Variants in KCTD1 observed in about 807,000 individuals in gnomAD.
KCTD1 encodes the protein BTB/POZ domain-containing protein KCTD1.
A neutral mutation model predicts 66.0 loss-of-function variants in KCTD1; 24 were observed. That is an observed-to-expected ratio of 0.36 (90% CI 0.26 to 0.51). The LOEUF is 0.51. Ranked by LOEUF, KCTD1 falls within the 20% of genes least tolerant of loss-of-function variation. The pLI is 0.95. For missense variants in KCTD1, 943 were observed against 1,205.2 expected (o/e 0.78, Z 3.22); for synonymous variants, 511 against 517.2 (o/e 0.99, Z 0.16).
At chr18:26,622,808 G>A (rs1171552726) in intron 1 of KCTD1, among the ~76,000 whole-genome samples, 1 of 152,088 alleles carries the variant, frequency 6.6e-6, no homozygotes, top group Non-Finnish European at 1.5e-5. Context: ...GGGCTGCAGA[G>A]GGTGCGTCAG....
chr18:26,514,240 T>TA (rs58782397), intron 1 of KCTD1, among the ~76,000 whole-genome samples: 2 of 152,070 alleles, frequency 1.3e-5, no homozygotes, highest in African/African-American at 4.8e-5. Flanking sequence ...TATTTGGTAA[T>TA]AAAAATTTTT....
In KCTD1 at chr18:26,646,269, T is replaced by C. The variant is rs541553404; in HGVS notation, c.9+11091A>G. Among the ~76,000 whole-genome samples, 29 of 152,270 alleles carry C rather than the reference T, an allele frequency of 1.9e-4. 2 individuals are homozygous for C. The South Asian group carries it at 5.2e-3, about 27-fold the overall frequency. On this transcript the variant is annotated intron_variant, in intron 1 of 4. Coordinates refer to the KCTD1 transcript ENST00000580191. ...CTTTCCAATATACTTTGTCAAGTTG[T>C]TAGGGGGAGCAGGAGGGAGAAAGAA...
At chr18:26,584,727 G>A (rs888178735) in intron 1 of KCTD1, among the ~76,000 whole-genome samples, 2 of 152,100 alleles carry the variant, frequency 1.3e-5, no homozygotes, top group African/African-American at 2.4e-5. Flanking sequence ...GGGGGCTCCC[G>A]ACCACACTGG....
At position 26,455,918 on chromosome 18, in the gene KCTD1, C is replaced by A. The variant is rs766767758; in HGVS notation, c.2440-17G>T. 6.8e-5 allele frequency: 110 copies of A among 1,610,042 alleles called. 2 individuals are homozygous for A. The South Asian group carries it at 1.1e-3, about 16-fold the overall frequency. The stretch of plus-strand genomic sequence containing the variant: ...CTCGAGGACCTGCGAGGGAACAAGA[C>A]AAGCATCCAGTTAGGGGTGAGGTAA... On this transcript the variant is annotated splice_polypyrimidine_tract_variant and intron_variant, in intron 4 of 4. Coordinates refer to ENST00000580059, the MANE Select transcript of KCTD1 (RefSeq NM_001142730.3).
chr18:26,557,151 T>C (rs1362144771), intron 1 of KCTD1, among the ~76,000 whole-genome samples: 1 of 152,194 alleles, frequency 6.6e-6, no homozygotes, highest in Non-Finnish European at 1.5e-5. Context: ...CTTAGTGCAA[T>C]CTGCCGTAGA....
chr18:26,583,405 A>G (rs1341231111), intron 1 of KCTD1, among the ~76,000 whole-genome samples: 2 of 151,216 alleles, frequency 1.3e-5, no homozygotes, highest in Non-Finnish European at 3.0e-5. Context: ...AAAAAAAAAA[A>G]AAAAAAAAAA....
At chr18:26,645,130 A>C (rs1987906896), upstream of KCTD1, among the ~76,000 whole-genome samples, 1 of 152,260 alleles carries the variant, frequency 6.6e-6, no homozygotes, top group Non-Finnish European at 1.5e-5. Context: ...TCTAAGTTAG[A>C]AAATGGATTC....
chr18:26,492,931 G>A (rs906727002), intron 2 of KCTD1, among the ~76,000 whole-genome samples: 1 of 152,154 alleles, frequency 6.6e-6, no homozygotes, highest in Admixed American at 6.5e-5. Context: ...GTAACTTTAT[G>A]ATTTGAATAA....
chr18:26,543,966 C>T (rs1985093996), intron 1 of KCTD1: 1 of 152,164 alleles, frequency 6.6e-6, no homozygotes, highest in South Asian at 2.1e-4. Flanking sequence ...GTACTGTTCT[C>T]TGAGGTAGGA....
chr18:26,647,784 A>G (rs1229182133), intron 1 of KCTD1, among the ~76,000 whole-genome samples: 1 of 152,008 alleles, frequency 6.6e-6, no homozygotes, highest in Non-Finnish European at 1.5e-5. Flanking sequence ...CGGACAAAGG[A>G]GCTGGCCCTC....
upstream of KCTD1, chr18:26,548,575 C>A: frequency 8.2e-7 from 1 of 1,213,346 alleles, no homozygotes; most frequent in Non-Finnish European, 1.0e-6. Context: ...AGGGCGCATG[C>A]GCTATATTGG....
intron 1 of KCTD1, 87 bp downstream of exon 1, chr18:26,546,641 C>G: frequency 1.4e-6 from 2 of 1,398,936 alleles, no homozygotes; most frequent in Non-Finnish European, 1.9e-6. Context: ...TTAAAACTTC[C>G]CCCCTACCCA....
chr18:26,613,821 C>A (rs2144998723), intron 1 of KCTD1, among the ~76,000 whole-genome samples: 1 of 152,304 alleles, frequency 6.6e-6, no homozygotes, highest in East Asian at 1.9e-4. Context: ...AATCATCAAG[C>A]ATGTCCCTAT....
chr18:26,623,885 G>T (rs138160667), intron 1 of KCTD1, among the ~76,000 whole-genome samples: 40 of 152,330 alleles, frequency 2.6e-4, no homozygotes, highest in African/African-American at 9.1e-4. Flanking sequence ...ACAGGAAGAT[G>T]TGGGAAAGTT....
At chr18:26,582,625 A>G (rs1395019239) in intron 1 of KCTD1, among the ~76,000 whole-genome samples, 2 of 152,220 alleles carry the variant, frequency 1.3e-5, no homozygotes, top group Non-Finnish European at 2.9e-5. Context: ...TACAATCCCA[A>G]AATATGGAAA....
At chr18:26,506,009 G>A (rs1286024370) in intron 1 of KCTD1, among the ~76,000 whole-genome samples, 1 of 150,940 alleles carries the variant, frequency 6.6e-6, no homozygotes, top group African/African-American at 2.4e-5. Context: ...CCGAGTAGCT[G>A]GGACTGCAGG....
intron 2 of KCTD1, among the ~76,000 whole-genome samples, chr18:26,479,845 A>T (rs1346415022): frequency 6.6e-6 from 1 of 152,154 alleles, no homozygotes; most frequent in Non-Finnish European, 1.5e-5. Flanking sequence ...TAAGCAAATA[A>T]TGGGGAAAAT....
intron 1 of KCTD1, among the ~76,000 whole-genome samples, 190 bp downstream of exon 1, chr18:26,546,538 C>A (rs1985228746): frequency 6.6e-6 from 1 of 152,204 alleles, no homozygotes; most frequent in Non-Finnish European, 1.5e-5. Context: ...TCTCTCACAT[C>A]TTTTAAGGTT....
chr18:26,461,562 AGCCC>A (rs1303985694), intron 3 of KCTD1, among the ~76,000 whole-genome samples: 2 of 152,184 alleles, frequency 1.3e-5, no homozygotes. Context: ...CGGGGCCCTT[AGCCC>A]AGCCTGAGGG....
Sources: gnomAD v4.1 joint callset for allele counts (sites outside exome capture counted in the v4.1 genomes callset) on GRCh38, gnomAD v4.1.1 for gene constraint, MANE v1.5 for transcripts, NCBI Gene and HGNC (gene_info 2026-07-23, HGNC 2026-07-21) for gene names.